Variants in C8orf34 observed in about 807,000 individuals in gnomAD.
The protein encoded by C8orf34 is chromosome 8 open reading frame 34.
In C8orf34, 65 loss-of-function variants were observed where a neutral mutation model predicts 68.3. The observed-to-expected ratio is 0.95, with a 90% CI of 0.78 to 1.17. C8orf34 has a LOEUF of 1.17. C8orf34 is among the 50% of genes most tolerant of loss of function. C8orf34 has a pLI of 0.00. For missense variants in C8orf34, 664 were observed against 655.4 expected, an observed-to-expected ratio of 1.01 and a Z score of -0.14; for synonymous variants, 244 against 241.2, an observed-to-expected ratio of 1.01 and a Z score of -0.11.
At chr8:68,704,609 C>G (rs550269287) in intron 8 of C8orf34, among the ~76,000 whole-genome samples, 1 of 152,100 alleles carries the variant, frequency 6.6e-6, no homozygotes, top group East Asian at 1.9e-4. Context: ...TTTTGAGAAG[C>G]TGGCTAAAAT....
chr8:68,761,900 T>A (rs1007533123), intron 10 of C8orf34, among the ~76,000 whole-genome samples: 6 of 152,276 alleles, frequency 3.9e-5, no homozygotes, highest in African/African-American at 1.4e-4. Flanking sequence ...TAAAAAAAAA[T>A]AAAAAGCATA....
chr8:68,402,930 G>C (rs1417893507), intron 1 of C8orf34, among the ~76,000 whole-genome samples: 1 of 152,158 alleles, frequency 6.6e-6, no homozygotes, highest in Non-Finnish European at 1.5e-5. Flanking sequence ...CATTACCACA[G>C]GTGCTGTGAG....
At chr8:68,453,769 T>A (rs1358585297) in intron 3 of C8orf34, among the ~76,000 whole-genome samples, 2 of 151,988 alleles carry the variant, frequency 1.3e-5, no homozygotes, top group Non-Finnish European at 2.9e-5. Context: ...ATTTTTCTTT[T>A]CTTGCCTAAT....
At chr8:68,367,920 A>G (rs918694739) in intron 1 of C8orf34, among the ~76,000 whole-genome samples, 6 of 136,346 alleles carry the variant, frequency 4.4e-5, no homozygotes, top group African/African-American at 1.5e-4. Flanking sequence ...AAGAAAAAAA[A>G]AAAAAAAAAA....
intron 12 of C8orf34, among the ~76,000 whole-genome samples, chr8:68,792,938 CATAT>C (rs1283216615): frequency 3.3e-5 from 5 of 151,652 alleles, no homozygotes; most frequent in Non-Finnish European, 5.9e-5. Context: ...TACTTACAAA[CATAT>C]ATAGATACAG....
chr8:68,438,507 T>C (rs1248600043), intron 1 of C8orf34: 2 of 152,156 alleles, frequency 1.3e-5, no homozygotes, highest in Non-Finnish European at 2.9e-5. Flanking sequence ...AACACTTTTG[T>C]TAGCTCTCTT....
intron 1 of C8orf34, among the ~76,000 whole-genome samples, chr8:68,411,403 A>C (rs1193181606): frequency 1.3e-5 from 2 of 152,210 alleles, no homozygotes; most frequent in Non-Finnish European, 2.9e-5. Flanking sequence ...CCATTGCCTC[A>C]GCAGAAATTA....
intron 1 of C8orf34, among the ~76,000 whole-genome samples, chr8:68,427,349 T>A (rs1404636823): frequency 6.6e-6 from 1 of 152,140 alleles, no homozygotes; most frequent in African/African-American, 2.4e-5. Context: ...ATATCATGAA[T>A]AATACTCAGC....
At chr8:68,439,759 T>C in intron 2 of C8orf34, 113 bp downstream of exon 2, 2 of 1,028,686 alleles carry the variant, frequency 1.9e-6, no homozygotes, top group Non-Finnish European at 2.8e-6. Context: ...AAAGGTTTCA[T>C]GTGTTCATCT....
At chr8:68,683,697 A>G (rs549340433) in intron 8 of C8orf34, among the ~76,000 whole-genome samples, 3 of 152,190 alleles carry the variant, frequency 2.0e-5, no homozygotes, top group Non-Finnish European at 4.4e-5. Flanking sequence ...GAACCTGTAC[A>G]TAGTCTTTCC....
intron 1 of C8orf34, among the ~76,000 whole-genome samples, chr8:68,411,966 A>G (rs149036968): frequency 6.6e-6 from 1 of 152,312 alleles, no homozygotes; most frequent in East Asian, 1.9e-4. Flanking sequence ...CAGTGCCCAA[A>G]TGAATGGGAT....
chr8:68,357,884 C>T (rs1806814201), intron 1 of C8orf34, among the ~76,000 whole-genome samples: 2 of 152,128 alleles, frequency 1.3e-5, no homozygotes, highest in Non-Finnish European at 2.9e-5. Context: ...AGGCTCCTCC[C>T]CACTTTTTTT....
intron 7 of C8orf34, chr8:68,534,571 A>C (rs1170198469): frequency 1.1e-6 from 1 of 945,468 alleles, no homozygotes; most frequent in Non-Finnish European, 1.3e-6. Flanking sequence ...TGACCCAGGA[A>C]TGTTTCCTAG....
intron 8 of C8orf34, among the ~76,000 whole-genome samples, chr8:68,696,551 C>CA (rs1396820827): frequency 2.0e-5 from 3 of 151,590 alleles, no homozygotes; most frequent in Admixed American, 6.6e-5. Flanking sequence ...AGAAGAGATA[C>CA]AAAATCTAAT....
At chr8:68,516,172 G>A (rs765170994) in intron 5 of C8orf34, among the ~76,000 whole-genome samples, 17 of 152,216 alleles carry the variant, frequency 1.1e-4, no homozygotes, top group Non-Finnish European at 2.2e-4. Flanking sequence ...GGCTTAAAAA[G>A]CACATTAATC....
chr8:68,578,179 C>A, intron 7 of C8orf34, among the ~76,000 whole-genome samples: 1 of 151,914 alleles, frequency 6.6e-6, no homozygotes, highest in East Asian at 1.9e-4. Context: ...TTACTATAGA[C>A]TTAAAAATGA....
intron 5 of C8orf34, among the ~76,000 whole-genome samples, chr8:68,514,673 A>G (rs924911440): frequency 1.4e-4 from 21 of 152,212 alleles, no homozygotes; most frequent in African/African-American, 4.8e-4. Context: ...AAAATTATTA[A>G]AATTATTTAT....
At chr8:68,779,986 A>ATT (rs1823629415) in intron 11 of C8orf34, among the ~76,000 whole-genome samples, 1 of 152,214 alleles carries the variant, frequency 6.6e-6, no homozygotes, top group Non-Finnish European at 1.5e-5. Flanking sequence ...TATTTAACTG[A>ATT]TAAATTAATG....
intron 10 of C8orf34, among the ~76,000 whole-genome samples, chr8:68,754,190 T>C (rs1206821321): frequency 6.6e-6 from 1 of 152,192 alleles, no homozygotes; most frequent in Non-Finnish European, 1.5e-5. Flanking sequence ...CACATTATGG[T>C]ATGAGAAAAA....
Sources: allele counts gnomAD v4.1 joint callset (sites outside exome capture counted in the v4.1 genomes callset), GRCh38; gene constraint gnomAD v4.1.1; transcripts MANE v1.5; gene names NCBI Gene and HGNC (gene_info 2026-07-23, HGNC 2026-07-21).